The following SUGCT variants were observed in gnomAD, a reference collection of about 807,000 sequenced individuals.
SUGCT encodes succinyl-CoA:glutarate-CoA transferase.
SUGCT carries 41 observed loss-of-function variants against 55.0 expected under a neutral mutation model. The observed-to-expected ratio is 0.74, with a 90% CI of 0.58 to 0.97. SUGCT has a LOEUF of 0.97. SUGCT is among the 50% of genes least tolerant of loss of function. The pLI, the probability that SUGCT is intolerant of heterozygous loss-of-function variation, is 0.00. For synonymous variants in SUGCT, 187 were observed against 200.4 expected, an observed-to-expected ratio of 0.93 and a Z score of 0.56; for missense variants, 568 against 547.8, an observed-to-expected ratio of 1.04 and a Z score of -0.37.
At chr7:40,956,350 T>G in the SUGCT span, among the ~76,000 whole-genome samples, 1 of 152,200 alleles carries the variant, frequency 6.6e-6, no homozygotes, top group Non-Finnish European at 1.5e-5. Context: ...CCTGGTTTAG[T>G]CTTGGAAGGG....
chr7:40,895,387 A>T, the SUGCT span, among the ~76,000 whole-genome samples: 1 of 152,200 alleles, frequency 6.6e-6, no homozygotes, highest in Non-Finnish European at 1.5e-5. Flanking sequence ...GAGTGACAAA[A>T]TAATCTGTAC....
chr7:40,647,912 T>G (rs1435958554), intron 12 of SUGCT, among the ~76,000 whole-genome samples: 2 of 152,060 alleles, frequency 1.3e-5, no homozygotes, highest in African/African-American at 4.8e-5. Context: ...TGGTGTATAA[T>G]CTTCATTATT....
intron 1 of SUGCT, among the ~76,000 whole-genome samples, chr7:40,140,792 C>G (rs1189042173): frequency 1.3e-5 from 2 of 152,156 alleles, no homozygotes; most frequent in Non-Finnish European, 2.9e-5. Flanking sequence ...TGTGATAACA[C>G]CAGCTTTGTT....
At chr7:40,285,007 A>G (rs1037278044) in intron 8 of SUGCT, among the ~76,000 whole-genome samples, 2 of 152,200 alleles carry the variant, frequency 1.3e-5, no homozygotes, top group African/African-American at 2.4e-5. Context: ...ATATTTTTAT[A>G]TGATATGAAC....
intron 9 of SUGCT, among the ~76,000 whole-genome samples, chr7:40,390,478 C>CT (rs1785365143): frequency 6.6e-6 from 1 of 152,132 alleles, no homozygotes; most frequent in Admixed American, 6.6e-5. Flanking sequence ...ACAGGCATTC[C>CT]TATACACTGA....
chr7:40,925,464 T>C, the SUGCT span, among the ~76,000 whole-genome samples: 1 of 152,218 alleles, frequency 6.6e-6, no homozygotes, highest in Non-Finnish European at 1.5e-5. Flanking sequence ...CAGAGATAAC[T>C]ATTGTGACAA....
intron 12 of SUGCT, among the ~76,000 whole-genome samples, chr7:40,621,387 G>C (rs1470109360): frequency 6.6e-6 from 1 of 152,202 alleles, no homozygotes; most frequent in East Asian, 1.9e-4. Flanking sequence ...TATTCTTAGA[G>C]CTGAGATGCT....
chr7:40,139,403 G>A (rs1173215793), intron 1 of SUGCT, among the ~76,000 whole-genome samples: 1 of 152,124 alleles, frequency 6.6e-6, no homozygotes, highest in African/African-American at 2.4e-5. Context: ...TCACCATGTT[G>A]GCCAGGCTTG....
intron 8 of SUGCT, among the ~76,000 whole-genome samples, chr7:40,285,923 A>G (rs2151032080): frequency 6.6e-6 from 1 of 152,332 alleles, no homozygotes; most frequent in Middle Eastern, 3.4e-3. Context: ...AACCCTTGTC[A>G]GAGAAATTCT....
At chr7:40,395,784 T>A (rs1785695522) in intron 9 of SUGCT, among the ~76,000 whole-genome samples, 1 of 152,066 alleles carries the variant, frequency 6.6e-6, no homozygotes, top group African/African-American at 2.4e-5. Flanking sequence ...TGCTTAACAA[T>A]TTGGGTAGTC....
chr7:40,297,158 C>T (rs572938337), intron 8 of SUGCT, among the ~76,000 whole-genome samples: 10 of 151,954 alleles, frequency 6.6e-5, no homozygotes, highest in Non-Finnish European at 1.5e-4. Flanking sequence ...TCCTTCAGTC[C>T]CTCTTCTGTC....
Position 40,181,958 on chromosome 7 carries a change from C to T in SUGCT, c.156C>T (p.Val52=). 6.3e-7 allele frequency: 1 copy of T among 1,578,348 alleles called. No homozygotes were observed. The highest frequency in any genetic ancestry group is 8.7e-7 in the Non-Finnish European group (1 of 1,154,900). The change falls in exon 3 of 14, where the codon GTC becomes GTT. Residue 52 remains valine, a synonymous_variant. Coordinates refer to ENST00000335693, the MANE Select transcript of SUGCT (RefSeq NM_001193313.2). The part of the protein sequence containing the change: ...EGVKILDLTR[V]LAGPFATMNL... ...TTTATCATTTTTAACATTGTAGAGTCCTGGCGGGACCTTTTGCTACTATGA... is the reference window on the plus strand; with the variant it reads ...TTTATCATTTTTAACATTGTAGAGTTCTGGCGGGACCTTTTGCTACTATGA...
the SUGCT span, among the ~76,000 whole-genome samples, chr7:40,990,505 C>T: frequency 2.0e-5 from 3 of 152,204 alleles, no homozygotes; most frequent in Non-Finnish European, 4.4e-5. Flanking sequence ...TAGTATTTTC[C>T]GAATGGTAAA....
chr7:40,619,042 C>T (rs1399638716), intron 12 of SUGCT, among the ~76,000 whole-genome samples: 1 of 152,182 alleles, frequency 6.6e-6, no homozygotes, highest in African/African-American at 2.4e-5. Context: ...ACACTCCCTA[C>T]CTCTACCTCC....
chr7:40,353,021 T>C (rs1562706582), intron 9 of SUGCT, among the ~76,000 whole-genome samples: 1 of 152,224 alleles, frequency 6.6e-6, no homozygotes, highest in Admixed American at 6.5e-5. Context: ...ATTTCTCTAA[T>C]GATTAGTGAT....
chr7:40,972,146 C>A, the SUGCT span, among the ~76,000 whole-genome samples: 2 of 152,020 alleles, frequency 1.3e-5, no homozygotes, highest in South Asian at 2.1e-4. Context: ...GTTTTTCACT[C>A]AAAAATATGT....
At chr7:40,951,978 G>A in the SUGCT span, among the ~76,000 whole-genome samples, 3 of 152,154 alleles carry the variant, frequency 2.0e-5, no homozygotes, top group African/African-American at 7.2e-5. Context: ...TCCGCTTGGT[G>A]CAGAGCTGAG....
chr7:40,421,166 T>G (rs977323856), intron 9 of SUGCT, among the ~76,000 whole-genome samples: 5 of 152,144 alleles, frequency 3.3e-5, no homozygotes, highest in African/African-American at 1.2e-4. Flanking sequence ...GACGGCTGCT[T>G]CTTAACCCAC....
At chr7:41,035,271 A>G in the SUGCT span, among the ~76,000 whole-genome samples, 3 of 152,236 alleles carry the variant, frequency 2.0e-5, no homozygotes, top group African/African-American at 7.2e-5. Context: ...GATGAATAGC[A>G]GGTGGGTGCA....
Sources: allele counts gnomAD v4.1 joint callset (sites outside exome capture counted in the v4.1 genomes callset), GRCh38; gene constraint gnomAD v4.1.1; transcripts MANE v1.5; gene names NCBI Gene and HGNC (gene_info 2026-07-23, HGNC 2026-07-21).